Variants in JMJD1C observed in about 807,000 individuals in gnomAD.
The protein encoded by JMJD1C is jumonji domain containing 1C.
In JMJD1C, 31 loss-of-function variants were observed where a neutral mutation model predicts 245.3. The ratio of observed to expected loss-of-function variants is 0.13; its 90% CI spans 0.09 to 0.17. JMJD1C has a LOEUF of 0.17. JMJD1C is among the 10% of genes least tolerant of loss of function. The probability of loss-of-function intolerance (pLI) is 1.00; values close to 1 mark genes in which losing one functional copy is unlikely to be tolerated. For missense variants in JMJD1C, 2,691 were observed against 3,000.2 expected (o/e 0.90, Z 2.41); for synonymous variants, 1,057 against 1,017.4 (o/e 1.04, Z -0.74).
At chr10:63,411,754 C>T (rs1162927880) in intron 1 of JMJD1C, among the ~76,000 whole-genome samples, 2 of 151,932 alleles carry the variant, frequency 1.3e-5, no homozygotes, top group Non-Finnish European at 2.9e-5. Context: ...AGGTGCGTGC[C>T]ACCATGCCCA....
chr10:63,475,403 T>G (rs1229515338), intron 1 of JMJD1C, among the ~76,000 whole-genome samples: 1 of 152,126 alleles, frequency 6.6e-6, no homozygotes, highest in Non-Finnish European at 1.5e-5. Flanking sequence ...ATGAAAATAG[T>G]TAGCGCTACC....
rs150252742 is a variant in JMJD1C at position 63,426,419 on chromosome 10, C to A, written c.168+39076G>T. ...CTACTACACAGTAAATATAAAAAGA[C>A]AATGACACTTTGGGAGGCCAAGGCA... On this transcript the variant is annotated intron_variant, in intron 1 of 25. Coordinates refer to ENST00000399262, the MANE Select transcript of JMJD1C (RefSeq NM_032776.3). Among the ~76,000 whole-genome samples, 827 of 151,892 alleles carry A rather than the reference C, an allele frequency of 5.4e-3. 4 individuals carry two copies. The highest frequency in any genetic ancestry group is 9.5e-3 in the Non-Finnish European group (645 of 67,940).
intron 22 of JMJD1C, among the ~76,000 whole-genome samples, chr10:63,183,154 C>T (rs1224941142): frequency 6.6e-6 from 1 of 152,176 alleles, no homozygotes; most frequent in South Asian, 2.1e-4. Context: ...AGCCACTGCG[C>T]CCAGCCTCAA....
At chr10:63,287,684 A>G (rs1858155046) in intron 2 of JMJD1C, among the ~76,000 whole-genome samples, 1 of 152,186 alleles carries the variant, frequency 6.6e-6, no homozygotes, top group Non-Finnish European at 1.5e-5. Context: ...GAGTCTTAGA[A>G]TACCCTGTAA....
chr10:63,213,373 A>G, intron 8 of JMJD1C, 100 bp downstream of exon 8: 1 of 759,110 alleles, frequency 1.3e-6, no homozygotes. Flanking sequence ...AACATATTTT[A>G]TAATAGGAAA....
At chr10:63,409,164 A>G (rs1328422315) in intron 1 of JMJD1C, among the ~76,000 whole-genome samples, 2 of 152,230 alleles carry the variant, frequency 1.3e-5, no homozygotes, top group African/African-American at 2.4e-5. Context: ...CTAATGTTTA[A>G]TAAGTACTAC....
At chr10:63,257,594 G>A (rs1358302189) in intron 3 of JMJD1C, among the ~76,000 whole-genome samples, 2 of 152,102 alleles carry the variant, frequency 1.3e-5, no homozygotes, top group Non-Finnish European at 2.9e-5. Context: ...TCTTCCCAGA[G>A]CCAAACAAAG....
chr10:63,266,187 T>G (rs1176701111), intron 2 of JMJD1C, among the ~76,000 whole-genome samples: 1 of 152,094 alleles, frequency 6.6e-6, no homozygotes, highest in African/African-American at 2.4e-5. Context: ...TTTTCGATAT[T>G]TAAGATCAGA....
At chr10:63,279,732 G>A (rs144730216) in intron 2 of JMJD1C, among the ~76,000 whole-genome samples, 1 of 152,198 alleles carries the variant, frequency 6.6e-6, no homozygotes, top group African/African-American at 2.4e-5. Context: ...CTACAGTCTA[G>A]ATGACAAAGC....
chr10:63,404,433 A>G (rs1949053073), intron 1 of JMJD1C, among the ~76,000 whole-genome samples: 1 of 152,150 alleles, frequency 6.6e-6, no homozygotes, highest in African/African-American at 2.4e-5. Flanking sequence ...TTAAACAGAT[A>G]GGGCCTTGCT....
At chr10:63,233,246 T>C (rs1309577272) in intron 3 of JMJD1C, among the ~76,000 whole-genome samples, 2 of 152,186 alleles carry the variant, frequency 1.3e-5, no homozygotes, top group East Asian at 3.8e-4. Context: ...TAGTCTAAAA[T>C]ATGCTCAACT....
intron 2 of JMJD1C, among the ~76,000 whole-genome samples, chr10:63,350,652 T>C (rs976713393): frequency 5.3e-5 from 8 of 150,588 alleles, no homozygotes; most frequent in African/African-American, 2.0e-4. Flanking sequence ...AGTCTCACTC[T>C]GTCACCCAGG....
chr10:63,347,764 AATC>A lies in JMJD1C; in HGVS notation c.333+32551_333+32553del, dbSNP rs369077469. ...GCCCCCACCCTACTAAAAATACAAA[AATC>A]AGCCAGGCGTGGTGTGGGCACCTGT... On this transcript the variant is annotated intron_variant, in intron 2 of 25. Coordinates refer to ENST00000399262, the MANE Select transcript of JMJD1C (RefSeq NM_032776.3). Among the ~76,000 whole-genome samples, 139 of 151,770 alleles carry A rather than the reference AATC, an allele frequency of 9.2e-4. No homozygotes were observed. In the Middle Eastern group the frequency reaches 0.017, roughly 19 times the overall value.
rs374157558 is a variant in JMJD1C, at chr10:63,207,949, A to T, written c.3720T>A (p.Ala1240=). 1.5e-4 allele frequency: 250 copies of T among 1,614,028 alleles called. No homozygotes were observed. The highest frequency in any genetic ancestry group is 2.0e-4 in the Non-Finnish European group (238 of 1,180,018). ...TCTGTGATTCTTGAACTTTACCACC[A>T]GCATTTACTGGCATCACCGGAGTTA... The part of the protein sequence containing the change: ...PTLTPVMPVN[A]GGKVQESQKP... Residue 1240 remains alanine (A), a synonymous_variant, in exon 10 of 26, where the codon GCT becomes GCA. Transcript: ENST00000399262.
At chr10:63,391,049 C>A (rs1263835902) in intron 1 of JMJD1C, among the ~76,000 whole-genome samples, 2 of 152,132 alleles carry the variant, frequency 1.3e-5, no homozygotes, top group Non-Finnish European at 2.9e-5. Flanking sequence ...AAGAAGAAGT[C>A]AATGTGTCCC....
intron 1 of JMJD1C, among the ~76,000 whole-genome samples, chr10:63,415,569 CT>C (rs1949751623): frequency 6.6e-6 from 1 of 152,082 alleles, no homozygotes; most frequent in African/African-American, 2.4e-5. Flanking sequence ...TGAACATGAC[CT>C]TTAAAAAAAT....
intron 3 of JMJD1C, among the ~76,000 whole-genome samples, chr10:63,227,941 G>T (rs1360207853): frequency 6.6e-6 from 1 of 152,140 alleles, no homozygotes; most frequent in African/African-American, 2.4e-5. Context: ...ACTTATACAA[G>T]AATCCATTTT....
At chr10:63,462,947 G>C (rs190023020) in intron 1 of JMJD1C, among the ~76,000 whole-genome samples, 1 of 151,906 alleles carries the variant, frequency 6.6e-6, no homozygotes, top group East Asian at 1.9e-4. Flanking sequence ...AAGAATAACT[G>C]ATTATCTTTG....
chr10:63,318,040 C>G (rs1162099763), intron 2 of JMJD1C, among the ~76,000 whole-genome samples: 3 of 152,108 alleles, frequency 2.0e-5, no homozygotes, highest in Admixed American at 2.0e-4. Context: ...CAGGGTCTGG[C>G]TCTATCACCC....
Sources: gnomAD v4.1 joint callset for allele counts (sites outside exome capture counted in the v4.1 genomes callset) on GRCh38, gnomAD v4.1.1 for gene constraint, MANE v1.5 for transcripts, NCBI Gene and HGNC (gene_info 2026-07-23, HGNC 2026-07-21) for gene names.